Variants in NOX3 observed in about 807,000 individuals in gnomAD.
NOX3 encodes the protein NADPH oxidase catalytic subunit-like 3.
NOX3 carries 74 observed loss-of-function variants against 76.7 expected under a neutral mutation model. That is an observed-to-expected ratio of 0.96 (90% CI 0.80 to 1.17). The LOEUF is 1.17. Among genes scored for constraint, NOX3 ranks in the 50% most tolerant of loss-of-function variants. The pLI, the probability that NOX3 is intolerant of heterozygous loss-of-function variation, is 0.00. For synonymous variants in NOX3, 263 were observed against 261.1 expected (o/e 1.01, Z -0.07); for missense variants, 695 against 703.3 (o/e 0.99, Z 0.13).
At chr6:155,401,416 C>A (rs909736981) in intron 12 of NOX3, among the ~76,000 whole-genome samples, 1 of 152,124 alleles carries the variant, frequency 6.6e-6, no homozygotes, top group Non-Finnish European at 1.5e-5. Context: ...ATTTTAGTCA[C>A]ATAATGAATG....
intron 10 of NOX3, among the ~76,000 whole-genome samples, chr6:155,417,498 A>AT (rs1182717848): frequency 2.0e-5 from 3 of 152,224 alleles, no homozygotes; most frequent in African/African-American, 7.2e-5. Flanking sequence ...GCACAGAGCA[A>AT]TGGTGAGGGC....
intron 10 of NOX3, among the ~76,000 whole-genome samples, chr6:155,418,013 C>T (rs1005485494): frequency 1.3e-5 from 2 of 152,122 alleles, no homozygotes; most frequent in Non-Finnish European, 2.9e-5. Flanking sequence ...TCTGTTGTAT[C>T]GTAGTCTGAA....
chr6:155,450,402 A>G (rs886864823), intron 4 of NOX3, among the ~76,000 whole-genome samples: 2 of 152,196 alleles, frequency 1.3e-5, no homozygotes, highest in African/African-American at 2.4e-5. Context: ...CAACTCATGC[A>G]TATGTGTCCT....
At position 155,430,882 on chromosome 6, in the gene NOX3, A is replaced by C. The variant is rs1190642838; in HGVS notation, c.852T>G (p.Ile284Met). Residue 284 changes from isoleucine to methionine, a missense_variant, in exon 8 of 14, where the codon ATT (isoleucine) becomes ATG (methionine). Coordinates refer to ENST00000159060, the MANE Select transcript of NOX3 (RefSeq NM_015718.3). ...PVVLYACERIIRFWRFQQEVV... is the reference protein window; with the variant it reads ...PVVLYACERIMRFWRFQQEVV... ...CTTCTTGTTGAAATCGCCAGAACCT[A>C]ATTATTCTTTCACATGCATACAAGA... The C allele has an allele frequency of 1.7e-5, 27 of 1,613,280 alleles. No homozygotes were observed. Among genetic ancestry groups the C allele is most frequent in the Non-Finnish European group, 2.2e-5 (26 of 1,179,532 alleles).
intron 8 of NOX3, among the ~76,000 whole-genome samples, chr6:155,429,967 A>G (rs1776810900): frequency 6.6e-6 from 1 of 152,218 alleles, no homozygotes; most frequent in Non-Finnish European, 1.5e-5. Context: ...CTAGCTTTTG[A>G]TACAGCCTGA....
At chr6:155,398,904 G>C (rs1001385617) in intron 12 of NOX3, among the ~76,000 whole-genome samples, 2 of 152,204 alleles carry the variant, frequency 1.3e-5, no homozygotes, top group African/African-American at 4.8e-5. Context: ...CCTGTGCTTG[G>C]CACATGGTGT....
chr6:155,397,037 G>A lies in NOX3; in HGVS notation c.1581-75C>T, dbSNP rs1779148498. ...CAGCCAGAAGCCAAGACAATGATAA[G>A]ATTAATGAAGTGGTTGTGGCTTTAC... On this transcript the variant is annotated intron_variant, in intron 12 of 13. Coordinates refer to ENST00000159060, the MANE Select transcript of NOX3 (RefSeq NM_015718.3). 5 of 1,367,606 alleles carry A rather than the reference G, an allele frequency of 3.7e-6. No homozygotes were observed. The South Asian group carries it at 7.5e-5, about 20-fold the overall frequency. The allele number at this position is 1,367,606 out of a possible 1,614,324, so 84.7% of individuals were successfully genotyped here.
intron 10 of NOX3, among the ~76,000 whole-genome samples, chr6:155,420,699 A>T (rs1776678392): frequency 6.6e-6 from 1 of 152,172 alleles, no homozygotes; most frequent in South Asian, 2.1e-4. Context: ...TAGTTTTCTC[A>T]TCTGTAAAAT....
chr6:155,414,790 A>G (rs1776603670), intron 10 of NOX3, among the ~76,000 whole-genome samples: 1 of 151,712 alleles, frequency 6.6e-6, no homozygotes, highest in South Asian at 2.1e-4. Context: ...ACCATGCACG[A>G]CGAAGTTTTT....
chr6:155,455,773 C>T lies in NOX3; in HGVS notation c.28G>A (p.Gly10Ser), dbSNP rs140655388. ...CTTACTACTAATATGGTGGAGAGACCCTCATTCAAAATCCAGCACCCCATC... is the reference window on the plus strand; with the variant it reads ...CTTACTACTAATATGGTGGAGAGACTCTCATTCAAAATCCAGCACCCCATC... MMGCWILNE[G>S]LSTILVLSWL... The change falls in exon 1 of 14, where the codon GGT (glycine) becomes AGT (serine). Residue 10 changes from glycine (G) to serine (S), a missense_variant. Gly to Ser is a moderately conservative substitution (Grantham distance 56). Coordinates refer to ENST00000159060, the MANE Select transcript of NOX3 (RefSeq NM_015718.3). The T allele has an allele frequency of 4.1e-5, 66 of 1,613,144 alleles. 1 individual carries two copies. The African/African-American group carries it at 7.8e-4, about 19-fold the overall frequency.
At chr6:155,434,446 C>T (rs1776875375) in intron 7 of NOX3, among the ~76,000 whole-genome samples, 1 of 152,156 alleles carries the variant, frequency 6.6e-6, no homozygotes, top group Non-Finnish European at 1.5e-5. Flanking sequence ...CTGAGACAAG[C>T]TGCGAAGATG....
chr6:155,436,117 A>AGGGTG (rs925317812), intron 7 of NOX3, among the ~76,000 whole-genome samples: 1 of 152,186 alleles, frequency 6.6e-6, no homozygotes, highest in Non-Finnish European at 1.5e-5. Context: ...AGCACAAAGA[A>AGGGTG]GGGTGGTGAG....
intron 10 of NOX3, among the ~76,000 whole-genome samples, chr6:155,419,318 T>G (rs139567361): frequency 2.0e-5 from 3 of 152,308 alleles, no homozygotes; most frequent in Non-Finnish European, 4.4e-5. Context: ...CATGAAAACC[T>G]CACTTCTTCC....
intron 10 of NOX3, among the ~76,000 whole-genome samples, chr6:155,416,349 T>A (rs574876156): frequency 3.3e-5 from 5 of 152,250 alleles, no homozygotes; most frequent in Non-Finnish European, 7.3e-5. Flanking sequence ...TTAGAAAATA[T>A]ATTACCTCCT....
chr6:155,417,101 A>G (rs1329835309), intron 10 of NOX3, among the ~76,000 whole-genome samples: 1 of 152,166 alleles, frequency 6.6e-6, no homozygotes, highest in African/African-American at 2.4e-5. Flanking sequence ...GCCTATCCAC[A>G]CTATGGAATA....
chr6:155,418,441 G>T (rs1776647582), intron 10 of NOX3, among the ~76,000 whole-genome samples: 1 of 152,088 alleles, frequency 6.6e-6, no homozygotes, highest in African/African-American at 2.4e-5. Flanking sequence ...GTGAAGTTTG[G>T]CTCTTACTTC....
intron 10 of NOX3, among the ~76,000 whole-genome samples, chr6:155,415,191 A>C (rs976296879): frequency 6.6e-6 from 1 of 152,190 alleles, no homozygotes; most frequent in African/African-American, 2.4e-5. Flanking sequence ...AGAATTCTTC[A>C]GCAGCACATA....
chr6:155,397,222 G>A (rs983890680), intron 12 of NOX3, among the ~76,000 whole-genome samples: 1 of 152,046 alleles, frequency 6.6e-6, no homozygotes, highest in Middle Eastern at 3.2e-3. Flanking sequence ...TGAAACTGTT[G>A]AGGGGTTTTG....
chr6:155,453,725 C>A (rs1297244835), intron 3 of NOX3, among the ~76,000 whole-genome samples: 1 of 152,164 alleles, frequency 6.6e-6, no homozygotes, highest in Non-Finnish European at 1.5e-5. Flanking sequence ...ATTCAAAACT[C>A]TTGAATAAGC....
Sources: gnomAD v4.1 joint callset for allele counts (sites outside exome capture counted in the v4.1 genomes callset) on GRCh38, gnomAD v4.1.1 for gene constraint, MANE v1.5 for transcripts, NCBI Gene and HGNC (gene_info 2026-07-23, HGNC 2026-07-21) for gene names.